Variants in HIP1 observed in about 807,000 individuals in gnomAD.
The protein encoded by HIP1 is huntingtin interacting protein 1.
Under a neutral mutation model 147.6 loss-of-function variants are expected in HIP1, and 65 were observed. The observed-to-expected ratio is 0.44, with a 90% confidence interval of 0.36 to 0.54. HIP1 has a LOEUF of 0.54. Ranked by LOEUF, HIP1 falls within the 20% of genes least tolerant of loss-of-function variation. HIP1 has a pLI of 0.00. For synonymous variants in HIP1, 479 were observed against 504.0 expected, an observed-to-expected ratio of 0.95 and a Z score of 0.67; for missense variants, 1,061 against 1,299.6, an observed-to-expected ratio of 0.82 and a Z score of 2.82.
intron 1 of HIP1, among the ~76,000 whole-genome samples, chr7:75,639,450 G>A (rs1554510141): frequency 1.3e-5 from 2 of 151,762 alleles, no homozygotes; most frequent in Non-Finnish European, 3.0e-5. Flanking sequence ...CGCGGCCCCC[G>A]GGCTCGCACG....
At chr7:75,551,656 A>G (rs1336287314) in intron 22 of HIP1, among the ~76,000 whole-genome samples, 3 of 151,544 alleles carry the variant, frequency 2.0e-5, no homozygotes, top group Non-Finnish European at 4.4e-5. Context: ...TGCAGTCTTG[A>G]GCTCCCAGGC....
At chr7:75,706,093 C>T (rs574515724) in intron 1 of HIP1, among the ~76,000 whole-genome samples, 2 of 152,068 alleles carry the variant, frequency 1.3e-5, no homozygotes, top group Admixed American at 1.3e-4. Context: ...TGGGGTTTCA[C>T]CATATTGGCC....
chr7:75,725,681 G>A (rs1554522280), intron 1 of HIP1, among the ~76,000 whole-genome samples: 1 of 152,048 alleles, frequency 6.6e-6, no homozygotes, highest in African/African-American at 2.4e-5. Context: ...TATTTTCATG[G>A]GTGTATAGTA....
At chr7:75,542,516 T>C (rs1794366383) in intron 28 of HIP1, among the ~76,000 whole-genome samples, 1 of 151,822 alleles carries the variant, frequency 6.6e-6, no homozygotes, top group South Asian at 2.1e-4. Flanking sequence ...TTGGCTAACA[T>C]AGTGAAACCC....
At chr7:75,556,686 C>T in intron 17 of HIP1, 24 bp downstream of exon 17, 5 of 1,102,658 alleles carry the variant, frequency 4.5e-6, no homozygotes. Context: ...ACTCTATCTC[C>T]AAAAAAAAAA....
intron 9 of HIP1, among the ~76,000 whole-genome samples, chr7:75,566,082 G>A (rs1224347756): frequency 1.3e-5 from 2 of 150,838 alleles, no homozygotes; most frequent in Non-Finnish European, 2.9e-5. Context: ...AGGCCTGAGT[G>A]CAGTGATGTG....
At position 75,648,253 on chromosome 7, in the gene HIP1, G is replaced by A. The variant is rs181504098; in HGVS notation, c.121-49006C>T. On this transcript the variant is annotated intron_variant, in intron 1 of 30. Transcript: ENST00000336926. ...GGACTAGTTGGAGTAGCTGAAGCTG[G>A]TTGGAGTAGTTGGGGCTGGTTGGAG... Among the ~76,000 whole-genome samples the A allele has an allele frequency of 4.8e-3, 726 of 152,222 alleles. 22 individuals are homozygous for A. Among genetic ancestry groups the A allele is most frequent in the Admixed American group, 0.042 (634 of 15,254 alleles).
chr7:75,592,435 G>A lies in HIP1; in HGVS notation c.264C>T (p.Asn88=), dbSNP rs200260342. 5.4e-5 allele frequency: 87 copies of A among 1,612,418 alleles called. No homozygotes were observed. The highest frequency in any genetic ancestry group is 4.9e-4 in the Middle Eastern group (3 of 6,068). Reference sequence around the variant, plus strand: ...GGCAGAACTTCCAGCAGAGCACTGCGTTGCTAGACAGAGGCAGGCGGTTGA... The same window carrying A: ...GGCAGAACTTCCAGCAGAGCACTGCATTGCTAGACAGAGGCAGGCGGTTGA... The part of the protein sequence containing the change: ...SVVNRLPLSS[N]AVLCWKFCHV... The change falls in exon 3 of 31, where the codon AAC becomes AAT. Residue 88 remains asparagine, a synonymous_variant. Transcript: ENST00000336926.
At chr7:75,567,215 G>C (rs1217399340) in intron 9 of HIP1, among the ~76,000 whole-genome samples, 2 of 149,498 alleles carry the variant, frequency 1.3e-5, no homozygotes, top group Non-Finnish European at 2.9e-5. Flanking sequence ...TGAGATTTAA[G>C]TATGCTATAC....
At chr7:75,678,046 G>A (rs113809330) in intron 1 of HIP1, among the ~76,000 whole-genome samples, 2,171 of 151,888 alleles carry the variant, frequency 0.014, 21 homozygotes, top group South Asian at 0.025. Flanking sequence ...ATATGGCATC[G>A]TATCATAGAT....
chr7:75,688,604 C>G (rs1378036015), intron 1 of HIP1, among the ~76,000 whole-genome samples: 3 of 152,074 alleles, frequency 2.0e-5, no homozygotes, highest in Non-Finnish European at 2.9e-5. Flanking sequence ...ACCCGCCGTC[C>G]GGGTCTGGCC....
intron 24 of HIP1, 58 bp from the exon 25 acceptor site, chr7:75,547,090 G>T: frequency 7.3e-7 from 1 of 1,370,110 alleles, no homozygotes; most frequent in Non-Finnish European, 1.0e-6. Flanking sequence ...CAATGAACAC[G>T]ACGGTTCTCT....
chr7:75,651,192 G>A (rs1798969252), intron 1 of HIP1, among the ~76,000 whole-genome samples: 1 of 151,972 alleles, frequency 6.6e-6, no homozygotes, highest in Non-Finnish European at 1.5e-5. Context: ...AGGCACAGTG[G>A]CTCACACCTG....
chr7:75,574,745 G>A (rs587632659), intron 7 of HIP1, among the ~76,000 whole-genome samples: 156 of 152,278 alleles, frequency 1.0e-3, no homozygotes, highest in African/African-American at 3.5e-3. Flanking sequence ...TGAACTAAGC[G>A]CTACTCTGTG....
At chr7:75,597,974 G>C (rs1468002127) in intron 2 of HIP1, among the ~76,000 whole-genome samples, 1 of 152,132 alleles carries the variant, frequency 6.6e-6, no homozygotes, top group Non-Finnish European at 1.5e-5. Flanking sequence ...CCTGGGTGTG[G>C]TGGGCTTACA....
intron 1 of HIP1, among the ~76,000 whole-genome samples, chr7:75,711,403 A>G (rs1554520103): frequency 1.3e-5 from 2 of 152,144 alleles, no homozygotes; most frequent in Non-Finnish European, 2.9e-5. Context: ...ACAAAGGAGG[A>G]AAAAAAGATG....
chr7:75,671,243 G>A (rs1259312384), intron 1 of HIP1, among the ~76,000 whole-genome samples: 1 of 151,930 alleles, frequency 6.6e-6, no homozygotes, highest in Non-Finnish European at 1.5e-5. Flanking sequence ...ACAGGCACCC[G>A]CCACCATGCC....
intron 1 of HIP1, among the ~76,000 whole-genome samples, chr7:75,663,182 T>C (rs1554513889): frequency 6.6e-6 from 1 of 152,130 alleles, no homozygotes; most frequent in Non-Finnish European, 1.5e-5. Flanking sequence ...CAAGTTCTGT[T>C]TTGAATCAGC....
chr7:75,685,556 T>C (rs1800231801), intron 1 of HIP1, among the ~76,000 whole-genome samples: 1 of 152,224 alleles, frequency 6.6e-6, no homozygotes, highest in Non-Finnish European at 1.5e-5. Context: ...TTGTCAGTTT[T>C]CTTTTTTGTG....
Sources: allele counts gnomAD v4.1 joint callset (sites outside exome capture counted in the v4.1 genomes callset), GRCh38; gene constraint gnomAD v4.1.1; transcripts MANE v1.5; gene names NCBI Gene and HGNC (gene_info 2026-07-23, HGNC 2026-07-21).